NRXN1: variants seen among roughly 807,000 people sequenced by gnomAD.
NRXN1 encodes the protein neurexin 1, also known as neurexin-1.
NRXN1 carries 39 observed loss-of-function variants against 150.9 expected under a neutral mutation model. That is an observed-to-expected ratio of 0.26 (90% confidence interval 0.20 to 0.34). The LOEUF (loss-of-function observed/expected upper bound fraction) is 0.34. Ranked by LOEUF, NRXN1 falls within the 10% of genes least tolerant of loss-of-function variation. NRXN1 has a pLI of 1.00. For synonymous variants in NRXN1, 924 were observed against 757.0 expected, an observed-to-expected ratio of 1.22 and a Z score of -3.62; for missense variants, 1,815 against 1,949.9, an observed-to-expected ratio of 0.93 and a Z score of 1.30.
chr2:50,376,857 C>T (rs2080538759), intron 17 of NRXN1, among the ~76,000 whole-genome samples: 1 of 152,074 alleles, frequency 6.6e-6, no homozygotes, highest in Non-Finnish European at 1.5e-5. Flanking sequence ...GCAGGTTAGT[C>T]TTAGAAAGAG....
rs1042308572 is a variant in NRXN1 at position 50,437,166 on chromosome 2, T to A, written c.3364+28276A>T. On this transcript the variant is annotated intron_variant, in intron 17 of 22. Coordinates refer to ENST00000401669, the MANE Select transcript of NRXN1 (RefSeq NM_001330078.2). ...CAAAATGACTTATTACAGGAAAACC[T>A]AGTTAAGTGAAGTATTCCTTGCTAA... is the stretch of plus-strand genomic sequence containing the variant. 7.9e-5 allele frequency among the ~76,000 whole-genome samples: 12 copies of A among 152,218 alleles called. 1 individual carries two copies. Among genetic ancestry groups the A allele is most frequent in the East Asian group, 5.8e-4 (3 of 5,196 alleles).
chr2:50,401,605 C>T (rs896293778), intron 17 of NRXN1, among the ~76,000 whole-genome samples: 4 of 151,910 alleles, frequency 2.6e-5, no homozygotes, highest in South Asian at 2.1e-4. Flanking sequence ...TGGGATCCTA[C>T]GTGAGACGTC....
chr2:50,413,656 A>G (rs1028226604), intron 17 of NRXN1, among the ~76,000 whole-genome samples: 1 of 152,230 alleles, frequency 6.6e-6, no homozygotes, highest in South Asian at 2.1e-4. Context: ...GAGCTACCAT[A>G]AGATCTAGCA....
At position 50,432,700 on chromosome 2, in the gene NRXN1, G is replaced by A. The variant is rs1046332915; in HGVS notation, c.3364+32742C>T. Among the ~76,000 whole-genome samples the A allele has an allele frequency of 6.6e-5, 10 of 151,912 alleles. 1 individual carries two copies. The highest frequency in any genetic ancestry group is 2.4e-4 in the African/African-American group (10 of 41,398). ...CCTTTCATGTCATTTTTTTCTAACT[G>A]CCTGGCAGGAGAATTTTCAGTATGC... On this transcript the variant is annotated intron_variant, in intron 17 of 22. Transcript: ENST00000401669.
chr2:50,388,171 T>A (rs2081448844), intron 17 of NRXN1, among the ~76,000 whole-genome samples: 1 of 151,996 alleles, frequency 6.6e-6, no homozygotes, highest in African/African-American at 2.4e-5. Context: ...GGGTGGGGAG[T>A]ACAGGCATGA....
At chr2:50,177,523 C>A (rs1045107747) in intron 18 of NRXN1, among the ~76,000 whole-genome samples, 1 of 151,456 alleles carries the variant, frequency 6.6e-6, no homozygotes, top group African/African-American at 2.4e-5. Context: ...GTAAATATAT[C>A]TTTTACTTTG....
At chr2:50,230,935 AT>A (rs2064881435) in intron 18 of NRXN1, among the ~76,000 whole-genome samples, 1 of 152,078 alleles carries the variant, frequency 6.6e-6, no homozygotes, top group Non-Finnish European at 1.5e-5. Context: ...TTGGACAGTA[AT>A]TTTACAATAC....
At chr2:49,953,048 C>G (rs557420981) in intron 21 of NRXN1, among the ~76,000 whole-genome samples, 1 of 152,238 alleles carries the variant, frequency 6.6e-6, no homozygotes, top group Non-Finnish European at 1.5e-5. Flanking sequence ...TTTGGACAAG[C>G]AGCCAGTTAT....
intron 17 of NRXN1, among the ~76,000 whole-genome samples, chr2:50,433,076 C>A (rs970797305): frequency 9.2e-5 from 14 of 152,170 alleles, no homozygotes; most frequent in African/African-American, 3.4e-4. Flanking sequence ...CCCTTCATTG[C>A]CAGAAACAAG....
intron 17 of NRXN1, among the ~76,000 whole-genome samples, chr2:50,241,437 A>AT (rs2065989739): frequency 6.6e-6 from 1 of 151,778 alleles, no homozygotes; most frequent in African/African-American, 2.4e-5. Flanking sequence ...TCTATATGGC[A>AT]AGCACTACCA....
At chr2:50,708,400 C>T (rs901283456) in intron 5 of NRXN1, among the ~76,000 whole-genome samples, 1 of 152,170 alleles carries the variant, frequency 6.6e-6, no homozygotes, top group Non-Finnish European at 1.5e-5. Context: ...CAAAGCTTGG[C>T]ATTTCTTCTT....
chr2:50,612,004 G>A (rs974317313), intron 8 of NRXN1, among the ~76,000 whole-genome samples: 15 of 151,962 alleles, frequency 9.9e-5, no homozygotes, highest in African/African-American at 2.9e-4. Context: ...AGCTCATTTC[G>A]TCTAATTTTA....
intron 8 of NRXN1, among the ~76,000 whole-genome samples, chr2:50,587,026 T>C (rs1404191214): frequency 6.9e-6 from 1 of 145,684 alleles, no homozygotes; most frequent in East Asian, 2.0e-4. Flanking sequence ...TTCACAACAG[T>C]GAGACACAAA....
At chr2:50,872,789 C>A (rs1415867103) in intron 5 of NRXN1, among the ~76,000 whole-genome samples, 1 of 151,462 alleles carries the variant, frequency 6.6e-6, no homozygotes, top group East Asian at 2.0e-4. Context: ...CTTGTCTCTA[C>A]AAAAGAATAA....
chr2:50,824,242 T>C (rs1197658568), intron 5 of NRXN1, among the ~76,000 whole-genome samples: 1 of 151,984 alleles, frequency 6.6e-6, no homozygotes, highest in Non-Finnish European at 1.5e-5. Context: ...AAGAGCTACC[T>C]GAATAAACAG....
Position 50,347,090 on chromosome 2 carries a change from C to CT in NRXN1, c.3365-110121dup. 1 of 1,385,030 alleles carries CT rather than the reference C, an allele frequency of 7.2e-7. No individual in the cohort carries two copies. Among genetic ancestry groups the CT allele is most frequent in the East Asian group, 4.2e-5 (1 of 23,828 alleles). The allele number at this position is 1,385,030 out of a possible 1,614,324, so 85.8% of individuals were successfully genotyped here. ...CCGCGCCAGGGCACCCATCCTCTCC[C>CT]TCCTTCGGACAGTCTTCTCGGGGTC... On this transcript the variant is annotated intron_variant, in intron 17 of 22. Transcript: ENST00000401669. The surrounding 1 kb of genome is among the most constrained non-coding windows in gnomAD (Gnocchi z 4.9).
In NRXN1 at chr2:50,420,457, C is replaced by T. The variant is rs140220887; in HGVS notation, c.3364+44985G>A. On this transcript the variant is annotated intron_variant, in intron 17 of 22. Coordinates refer to ENST00000401669, the MANE Select transcript of NRXN1 (RefSeq NM_001330078.2). ...CGGCAAAAACCAAGCAAACAAAAAT[C>T]ATGAGTGACATTTATTGGCAACTAA... Among the ~76,000 whole-genome samples the T allele has an allele frequency of 5.1e-4, 78 of 151,782 alleles. 6 individuals are homozygous for T. Among genetic ancestry groups the T allele is most frequent in the East Asian group, 5.0e-3 (26 of 5,156 alleles).
intron 18 of NRXN1, among the ~76,000 whole-genome samples, chr2:50,141,109 G>A (rs1707213355): frequency 1.3e-5 from 2 of 151,982 alleles, no homozygotes; most frequent in African/African-American, 2.4e-5. Flanking sequence ...ATGGCAACAA[G>A]TAAGACGTAC....
At chr2:50,424,106 T>A (rs535135815) in intron 17 of NRXN1, among the ~76,000 whole-genome samples, 1 of 129,356 alleles carries the variant, frequency 7.7e-6, no homozygotes, top group Non-Finnish European at 1.6e-5. Context: ...TTACCTTACA[T>A]GAGAAAGAAG....
Sources: allele counts gnomAD v4.1 joint callset (sites outside exome capture counted in the v4.1 genomes callset), GRCh38; gene constraint gnomAD v4.1.1; non-coding constraint Gnocchi (gnomAD v3.1); transcripts MANE v1.5; gene names NCBI Gene and HGNC (gene_info 2026-07-23, HGNC 2026-07-21).